Variants in DOCK3 observed in about 807,000 individuals in gnomAD.
DOCK3 encodes the protein dedicator of cytokinesis 3, also known as dedicator of cytokinesis protein 3.
Under a neutral mutation model 265.6 loss-of-function variants are expected in DOCK3, and 60 were observed. The ratio of observed to expected loss-of-function variants is 0.23; its 90% CI spans 0.18 to 0.28. The LOEUF (loss-of-function observed/expected upper bound fraction) is 0.28. DOCK3 is among the 10% of genes least tolerant of loss of function. The pLI is 1.00. For synonymous variants in DOCK3, 881 were observed against 938.0 expected (o/e 0.94, Z 1.11); for missense variants, 1,981 against 2,594.3 (o/e 0.76, Z 5.14).
chr3:51,366,096 G>A (rs1448180529), intron 49 of DOCK3, among the ~76,000 whole-genome samples: 5 of 152,104 alleles, frequency 3.3e-5, no homozygotes, highest in African/African-American at 4.8e-5. Flanking sequence ...GGTCGAATTC[G>A]GCTGTGAATC....
rs1553618562 is a variant in DOCK3, at chr3:51,381,348, G to A, written c.5882G>A (p.Cys1961Tyr). ...QPCRSHSAPG[C>Y]VIPQDPMDPP... ...TGCCGAAGCCACTCAGCCCCAGGGT[G>A]CGTCATCCCTCAGGACCCCATGGAC... Residue 1961 changes from cysteine to tyrosine, a missense_variant, in exon 53 of 53, where the codon TGC becomes TAC. Physicochemically the swap from Cys to Tyr is radical, Grantham distance 194. Coordinates refer to ENST00000266037, the MANE Select transcript of DOCK3 (RefSeq NM_004947.5). This position sits in a 1 kb window ranked among gnomAD's most constrained non-coding sequence, Gnocchi z 5.6. 1 of 1,613,272 alleles carries A rather than the reference G, an allele frequency of 6.2e-7. No individual in the cohort carries two copies. Among genetic ancestry groups the A allele is most frequent in the Admixed American group, 1.7e-5 (1 of 60,026 alleles).
At chr3:51,323,020 T>G (rs1045986068) in intron 32 of DOCK3, among the ~76,000 whole-genome samples, 2 of 150,476 alleles carry the variant, frequency 1.3e-5, no homozygotes, top group Admixed American at 1.3e-4. Context: ...TAAAACAGAC[T>G]TTAAACCAAC....
Position 50,960,562 on chromosome 3 carries a change from T to A in DOCK3, c.315+26485T>A, listed in dbSNP as rs72939204. Among the ~76,000 whole-genome samples, 946 of 152,290 alleles carry A rather than the reference T, an allele frequency of 6.2e-3. 8 individuals carry two copies. The highest frequency in any genetic ancestry group is 0.021 in the African/African-American group (889 of 41,580). On this transcript the variant is annotated intron_variant, in intron 5 of 52. Coordinates refer to ENST00000266037, the MANE Select transcript of DOCK3 (RefSeq NM_004947.5). The stretch of plus-strand genomic sequence containing the variant: ...TCCATTAGGTTGTTTGTCTTAGTTA[T>A]AAAAGTTCTTTATATATTTTGGAGA...
intron 5 of DOCK3, among the ~76,000 whole-genome samples, chr3:50,975,584 A>T (rs1377662060): frequency 6.7e-6 from 1 of 150,216 alleles, no homozygotes; most frequent in Non-Finnish European, 1.5e-5. Flanking sequence ...TTCATCAAGG[A>T]TATTGGCCTA....
Position 51,381,647 on chromosome 3 carries a change from C to A in DOCK3, c.*88C>A. ...AAAAGCAAGTCCCCCAGCCCCACCC[C>A]AGGGAGCCAGAGAGGCTTGCACTCA... On this transcript the variant is annotated 3_prime_UTR_variant, in exon 53 of 53. Coordinates refer to ENST00000266037, the MANE Select transcript of DOCK3 (RefSeq NM_004947.5). The surrounding 1 kb of genome is among the most constrained non-coding windows in gnomAD (Gnocchi z 5.6). 2 of 1,429,962 alleles carry A rather than the reference C, an allele frequency of 1.4e-6. No individual in the cohort carries two copies. The highest frequency in any genetic ancestry group is 1.8e-6 in the Non-Finnish European group (2 of 1,095,390). 88.6% of individuals were successfully genotyped at this position (1,429,962 alleles called of 1,614,324 possible).
At chr3:50,867,846 T>C (rs1458421078) in intron 3 of DOCK3, among the ~76,000 whole-genome samples, 1 of 152,184 alleles carries the variant, frequency 6.6e-6, no homozygotes, top group African/African-American at 2.4e-5. Flanking sequence ...GTTGAGGATG[T>C]TTGCATCAAT....
intron 39 of DOCK3, among the ~76,000 whole-genome samples, chr3:51,349,164 G>A (rs1306438220): frequency 6.6e-6 from 1 of 152,126 alleles, no homozygotes; most frequent in South Asian, 2.1e-4. Flanking sequence ...TCAGAGAAGG[G>A]AGAAGTGGCA....
chr3:51,092,565 A>G (rs1436744823), intron 9 of DOCK3, among the ~76,000 whole-genome samples: 1 of 152,204 alleles, frequency 6.6e-6, no homozygotes, highest in Non-Finnish European at 1.5e-5. Context: ...ACCTGGGGGA[A>G]GGAGCAGCTG....
rs901391301 is a variant in DOCK3 at position 51,354,769 on chromosome 3, T to C, written c.4108-113T>C. The C allele has an allele frequency of 3.4e-6, 5 of 1,489,032 alleles. No individual in the cohort carries two copies. In the African/African-American group the frequency reaches 4.2e-5, roughly 12 times the overall value. The allele number at this position is 1,489,032 out of a possible 1,614,324, so 92.2% of individuals were successfully genotyped here. ...GCCCTGTGCCTGTCCCAGGGCCTGATACAGAGAAGGCTCCTAAGATATGTT... is the reference window on the plus strand; with the variant it reads ...GCCCTGTGCCTGTCCCAGGGCCTGACACAGAGAAGGCTCCTAAGATATGTT... On this transcript the variant is annotated intron_variant, in intron 40 of 52. Transcript: ENST00000266037.
At chr3:51,034,779 G>T (rs957980200) in intron 5 of DOCK3, among the ~76,000 whole-genome samples, 1 of 152,004 alleles carries the variant, frequency 6.6e-6, no homozygotes, top group African/African-American at 2.4e-5. Context: ...TGTGAGTTTG[G>T]TGATGTCTCT....
Position 51,350,412 on chromosome 3 carries a change from C to A in DOCK3, c.4107+20C>A. 1 of 1,600,238 alleles carries A rather than the reference C, an allele frequency of 6.2e-7. No individual in the cohort carries two copies. The highest frequency in any genetic ancestry group is 1.1e-5 in the South Asian group (1 of 88,214). ...CTTCGGGTGAGTCCATTCAGATGGT[C>A]ACAAGAACTTATATATTTTACGCAT... On this transcript the variant is annotated intron_variant, in intron 40 of 52. Coordinates refer to ENST00000266037, the MANE Select transcript of DOCK3 (RefSeq NM_004947.5).
chr3:51,013,507 T>C (rs1425301454), intron 5 of DOCK3, among the ~76,000 whole-genome samples: 2 of 152,196 alleles, frequency 1.3e-5, no homozygotes, highest in Admixed American at 6.5e-5. Flanking sequence ...TATTGCAGAA[T>C]AGCAAATATT....
intron 5 of DOCK3, among the ~76,000 whole-genome samples, chr3:50,977,112 G>C (rs1366035108): frequency 6.6e-6 from 1 of 150,994 alleles, no homozygotes; most frequent in African/African-American, 2.4e-5. Context: ...GCCAGTCTGT[G>C]TCTTTTAATT....
intron 3 of DOCK3, among the ~76,000 whole-genome samples, chr3:50,888,768 C>T (rs946717527): frequency 2.6e-5 from 4 of 151,996 alleles, no homozygotes; most frequent in African/African-American, 7.2e-5. Context: ...GGAAAGGATG[C>T]CCTATTTAAT....
intron 3 of DOCK3, among the ~76,000 whole-genome samples, chr3:50,843,154 A>G (rs951224055): frequency 1.3e-5 from 2 of 152,110 alleles, no homozygotes; most frequent in African/African-American, 4.8e-5. Flanking sequence ...AAGTACTCCA[A>G]ATTTGTGGAT....
intron 3 of DOCK3, among the ~76,000 whole-genome samples, chr3:50,881,821 C>G (rs1160111284): frequency 1.3e-5 from 2 of 152,054 alleles, no homozygotes; most frequent in African/African-American, 2.4e-5. Context: ...AATCCTCAGC[C>G]AAAAGAACAA....
intron 40 of DOCK3, 109 bp from the exon 41 acceptor site, chr3:51,354,773 G>A (rs1265601201): frequency 6.7e-7 from 1 of 1,499,224 alleles, no homozygotes; most frequent in East Asian, 2.3e-5. Context: ...GCCTGATACA[G>A]AGAAGGCTCC....
chr3:51,187,391 C>G (rs947521500), intron 12 of DOCK3, among the ~76,000 whole-genome samples: 1 of 152,188 alleles, frequency 6.6e-6, no homozygotes, highest in African/African-American at 2.4e-5. Flanking sequence ...GACTAACTTG[C>G]TTGTGATTTT....
chr3:50,844,935 C>T (rs2046009550), intron 3 of DOCK3, among the ~76,000 whole-genome samples: 1 of 152,104 alleles, frequency 6.6e-6, no homozygotes, highest in African/African-American at 2.4e-5. Context: ...AAAATATTAA[C>T]TTTCTGGCCA....
Sources: allele counts gnomAD v4.1 joint callset (sites outside exome capture counted in the v4.1 genomes callset), GRCh38; gene constraint gnomAD v4.1.1; non-coding constraint Gnocchi (gnomAD v3.1); transcripts MANE v1.5; gene names NCBI Gene and HGNC (gene_info 2026-07-23, HGNC 2026-07-21).